Variants in COPB2 observed in about 807,000 individuals in gnomAD.
COPB2 encodes the protein coatomer subunit beta'.
A neutral mutation model predicts 120.8 loss-of-function variants in COPB2; 16 were observed. The observed-to-expected ratio is 0.13, with a 90% CI of 0.09 to 0.20. The LOEUF is 0.20. Ranked by LOEUF, COPB2 falls within the 10% of genes least tolerant of loss-of-function variation. The pLI is 1.00. For synonymous variants in COPB2, 332 were observed against 366.3 expected, an observed-to-expected ratio of 0.91 and a Z score of 1.07; for missense variants, 794 against 1,076.5, an observed-to-expected ratio of 0.74 and a Z score of 3.67.
chr3:139,360,517 CAAAAAA>C (rs11439096), intron 17 of COPB2, among the ~76,000 whole-genome samples: 1 of 88,400 alleles, frequency 1.1e-5, no homozygotes, highest in African/African-American at 5.0e-5. Context: ...GATTCCATCT[CAAAAAA>C]AAAAAAAAAA....
At chr3:139,374,061 G>A (rs1026149297) in intron 7 of COPB2, among the ~76,000 whole-genome samples, 1 of 152,156 alleles carries the variant, frequency 6.6e-6, no homozygotes, top group African/African-American at 2.4e-5. Flanking sequence ...CCTGGGTAAA[G>A]TGTTTCCTAT....
chr3:139,362,601 T>G, intron 15 of COPB2, 84 bp from the exon 16 acceptor site: 1 of 705,670 alleles, frequency 1.4e-6, no homozygotes, highest in Non-Finnish European at 2.1e-6. Flanking sequence ...CACACACATA[T>G]ACAGTGTACA....
intron 2 of COPB2, chr3:139,381,720 TA>T (rs936059101): frequency 4.6e-5 from 7 of 151,944 alleles, no homozygotes; most frequent in Non-Finnish European, 1.0e-4. Flanking sequence ...CAATAAAGCC[TA>T]GAGAAAGATA....
In COPB2 at chr3:139,369,441, G is replaced by A. The variant is rs376909199; in HGVS notation, c.1294+15C>T. 5.3e-5 allele frequency: 85 copies of A among 1,606,324 alleles called. 1 individual carries two copies. The highest frequency in any genetic ancestry group is 4.1e-5 in the Non-Finnish European group (48 of 1,175,492). ...CAAAGAATTTAAAAATGTATCATAT[G>A]TAGATCACACTCACTTTCTGCTCCA... On this transcript the variant is annotated intron_variant, in intron 11 of 21. Coordinates refer to ENST00000333188, the MANE Select transcript of COPB2 (RefSeq NM_004766.3).
At chr3:139,366,444 G>A (rs1051600582) in intron 15 of COPB2, 124 bp downstream of exon 15, 10 of 855,532 alleles carry the variant, frequency 1.2e-5, no homozygotes, top group Admixed American at 2.8e-5. Flanking sequence ...TAAACTCACA[G>A]GAGAAATTCT....
chr3:139,379,566 C>A, intron 2 of COPB2, 100 bp from the exon 3 acceptor site: 1 of 927,444 alleles, frequency 1.1e-6, no homozygotes, highest in East Asian at 2.6e-5. Flanking sequence ...GATCACTTCT[C>A]ATTTTAGTAT....
chr3:139,379,998 CTTTTCTT>C (rs1203378495), intron 2 of COPB2: 1 of 118,930 alleles, frequency 8.4e-6, no homozygotes, highest in East Asian at 2.2e-4. Context: ...TTCTTTTTTT[CTTTTCTT>C]TTTTTTTTTT....
intron 17 of COPB2, 34 bp downstream of exon 17, chr3:139,361,047 G>C: frequency 6.2e-7 from 1 of 1,606,318 alleles, no homozygotes; most frequent in Non-Finnish European, 8.5e-7. Flanking sequence ...CATCCTCAGT[G>C]TAGAATTAAT....
Position 139,367,075 on chromosome 3 carries a change from G to T in COPB2, c.1616C>A (p.Ser539Tyr). Residue 539 changes from serine (S) to tyrosine (Y), a missense_variant, in exon 14 of 22, where the codon TCT (serine) becomes TAT (tyrosine). Physicochemically the swap from Ser to Tyr is moderately radical, Grantham distance 144. This residue lies in a region of COPB2 where 610 missense variants were observed against 866.7 expected (regional missense o/e 0.70). Transcript: ENST00000333188. ...WVGDCFIYTS[S>Y]VNRLNYYVGG... ...AACATAATAATTTAATCTGTTCACA[G>T]AACTTGTGTAAATGAAGCAATCGCC... 1.2e-6 allele frequency: 2 copies of T among 1,613,920 alleles called. No individual in the cohort carries two copies. Among genetic ancestry groups the T allele is most frequent in the Non-Finnish European group, 1.7e-6 (2 of 1,179,930 alleles).
chr3:139,359,799 AT>A (rs527987536), intron 17 of COPB2, among the ~76,000 whole-genome samples: 5 of 151,702 alleles, frequency 3.3e-5, no homozygotes, highest in Non-Finnish European at 5.9e-5. Context: ...TTTTAATTTC[AT>A]TTTTTTTCTG....
intron 1 of COPB2, among the ~76,000 whole-genome samples, chr3:139,386,704 G>T (rs2107812103): frequency 6.6e-6 from 1 of 152,206 alleles, no homozygotes; most frequent in East Asian, 1.9e-4. Context: ...CATGGTGAGG[G>T]TTTTCATATA....
rs1441193993 is a variant in COPB2 at position 139,359,326 on chromosome 3, T to A, written c.2247A>T (p.Gly749=). ...DACLELLIRT[G]RLPEAAFLAR... The stretch of plus-strand genomic sequence containing the variant: ...CCAAGAAGGCAGCTTCTGGCAGCCG[T>A]CCAGTTCTAATTAAGAGCTCTAGGC... Residue 749 remains glycine (G), a synonymous_variant, in exon 18 of 22, where the codon GGA becomes GGT. Transcript: ENST00000333188. The A allele has an allele frequency of 1.6e-5, 26 of 1,614,004 alleles. No homozygotes were observed. The highest frequency in any genetic ancestry group is 2.0e-5 in the Non-Finnish European group (24 of 1,180,004).
Position 139,362,446 on chromosome 3 carries a change from T to C in COPB2, c.1956A>G (p.Gly652=). The C allele has an allele frequency of 6.2e-7, 1 of 1,612,292 alleles. No homozygotes were observed. Among genetic ancestry groups the C allele is most frequent in the African/African-American group, 1.3e-5 (1 of 74,960 alleles). The change falls in exon 16 of 22, where the codon GGA becomes GGG. Residue 652 remains glycine, a synonymous_variant. Coordinates refer to ENST00000333188, the MANE Select transcript of COPB2 (RefSeq NM_004766.3). ...EHRFELALQL[G]ELKIAYQLAV... Reference sequence around the variant, plus strand: ...CTAACTGGTATGCAATTTTTAACTCTCCAAGCTGAAGAGCAAGCTCAAAAC... The same window carrying C: ...CTAACTGGTATGCAATTTTTAACTCCCCAAGCTGAAGAGCAAGCTCAAAAC...
intron 1 of COPB2, among the ~76,000 whole-genome samples, chr3:139,384,610 C>T (rs1941879273): frequency 6.6e-6 from 1 of 152,192 alleles, no homozygotes; most frequent in Non-Finnish European, 1.5e-5. Context: ...GAGACAACTA[C>T]GATACTTCGG....
At chr3:139,358,129 T>A in intron 21 of COPB2, 71 bp downstream of exon 21, 3 of 1,373,826 alleles carry the variant, frequency 2.2e-6, no homozygotes, top group Non-Finnish European at 3.1e-6. Flanking sequence ...CACAGAGGCC[T>A]ACGTATCCTC....
chr3:139,376,215 C>T (rs1337870546), intron 5 of COPB2, among the ~76,000 whole-genome samples: 1 of 152,170 alleles, frequency 6.6e-6, no homozygotes, highest in East Asian at 1.9e-4. Flanking sequence ...TGTGATCATG[C>T]CACTGCACTC....
At chr3:139,387,841 C>G (rs1006698947) in intron 1 of COPB2, among the ~76,000 whole-genome samples, 3 of 152,140 alleles carry the variant, frequency 2.0e-5, no homozygotes, top group Non-Finnish European at 2.9e-5. Flanking sequence ...CCTCTTAGTG[C>G]TGTAAGAATT....
intron 10 of COPB2, 66 bp from the exon 11 acceptor site, chr3:139,369,610 G>A: frequency 2.2e-4 from 212 of 946,216 alleles, no homozygotes; most frequent in South Asian, 6.9e-4. Flanking sequence ...ACCAAATGTT[G>A]GAAATATCTT....
At chr3:139,374,338 G>A in intron 7 of COPB2, 151 bp downstream of exon 7, 1 of 587,370 alleles carries the variant, frequency 1.7e-6, no homozygotes, top group South Asian at 2.2e-5. Flanking sequence ...TGAAAATAAT[G>A]CCCCTTTACT....
Sources: allele counts gnomAD v4.1 joint callset (sites outside exome capture counted in the v4.1 genomes callset), GRCh38; gene constraint gnomAD v4.1.1; regional missense constraint gnomAD v4.1.1; transcripts MANE v1.5; gene names NCBI Gene and HGNC (gene_info 2026-07-23, HGNC 2026-07-21).